The following DLGAP1 variants were observed in gnomAD, a reference collection of about 807,000 sequenced individuals.
DLGAP1 encodes the protein disks large-associated protein 1.
DLGAP1 carries 11 observed loss-of-function variants against 90.8 expected under a neutral mutation model. The ratio of observed to expected loss-of-function variants is 0.12; its 90% confidence interval spans 0.08 to 0.20. The LOEUF is 0.20. DLGAP1 is among the 10% of genes least tolerant of loss of function. The pLI is 1.00. For missense variants in DLGAP1, 1,050 were observed against 1,333.8 expected (o/e 0.79, Z 3.31); for synonymous variants, 558 against 540.7 (o/e 1.03, Z -0.44).
At chr18:3,686,568 A>AT (rs371703657) in intron 7 of DLGAP1, among the ~76,000 whole-genome samples, 1 of 152,046 alleles carries the variant, frequency 6.6e-6, no homozygotes, top group African/African-American at 2.4e-5. Flanking sequence ...CTTTCCTGAG[A>AT]TTTTTTCTTT....
At chr18:4,152,122 T>C (rs1211185100) in intron 1 of DLGAP1, among the ~76,000 whole-genome samples, 2 of 152,146 alleles carry the variant, frequency 1.3e-5, no homozygotes, top group African/African-American at 4.8e-5. Context: ...AAAAGTGACA[T>C]AGAAAAGGAC....
chr18:4,431,646 T>A (rs1388633421), intron 1 of DLGAP1, among the ~76,000 whole-genome samples: 2 of 152,182 alleles, frequency 1.3e-5, no homozygotes, highest in Admixed American at 6.5e-5. Flanking sequence ...TATTGCTTAT[T>A]TTTCGGAATA....
chr18:3,793,392 A>G (rs1286429878), intron 5 of DLGAP1, among the ~76,000 whole-genome samples: 1 of 152,166 alleles, frequency 6.6e-6, no homozygotes, highest in Non-Finnish European at 1.5e-5. Context: ...TCTTCTCGAT[A>G]GAGCAGCCAG....
chr18:3,702,127 A>G (rs1282953812), intron 7 of DLGAP1, among the ~76,000 whole-genome samples: 2 of 152,098 alleles, frequency 1.3e-5, no homozygotes, highest in Admixed American at 6.6e-5. Flanking sequence ...TCTCGGCTCA[A>G]TGCAACCTTT....
rs78763442 is a variant in DLGAP1, at chr18:4,104,443, T to C, written c.-159+46737A>G. On this transcript the variant is annotated intron_variant, in intron 2 of 12. Coordinates refer to ENST00000315677, the MANE Select transcript of DLGAP1 (RefSeq NM_004746.4). ...TCTGTAATTATGTCCCTTTTCTCAC[T>C]GCTAACATCACTTATTTGTAGCATT... 2.9e-3 allele frequency among the ~76,000 whole-genome samples: 438 copies of C among 152,314 alleles called. 1 individual carries two copies. The highest frequency in any genetic ancestry group is 9.9e-3 in the African/African-American group (411 of 41,580).
chr18:3,682,887 T>C (rs1051453414), intron 7 of DLGAP1, among the ~76,000 whole-genome samples: 12 of 151,778 alleles, frequency 7.9e-5, no homozygotes, highest in African/African-American at 2.9e-4. Flanking sequence ...AGATGGAGTC[T>C]TGTTCTGTTG....
intron 2 of DLGAP1, among the ~76,000 whole-genome samples, chr18:4,134,385 T>C (rs1267416127): frequency 2.0e-5 from 3 of 152,128 alleles, no homozygotes; most frequent in South Asian, 4.1e-4. Context: ...TATTGGACTT[T>C]AGGTCTCCAG....
At chr18:3,969,338 G>A (rs1480076173) in intron 3 of DLGAP1, among the ~76,000 whole-genome samples, 1 of 152,166 alleles carries the variant, frequency 6.6e-6, no homozygotes, top group Non-Finnish European at 1.5e-5. Context: ...TGAAGACTAA[G>A]TGGCAGAGAA....
At chr18:3,615,707 C>T (rs2057833848) in intron 7 of DLGAP1, among the ~76,000 whole-genome samples, 1 of 152,138 alleles carries the variant, frequency 6.6e-6, no homozygotes, top group African/African-American at 2.4e-5. Flanking sequence ...TCTCTGTAGG[C>T]AACTGGAGAC....
At chr18:3,699,125 C>T (rs1567979998) in intron 7 of DLGAP1, among the ~76,000 whole-genome samples, 3 of 152,116 alleles carry the variant, frequency 2.0e-5, no homozygotes, top group Admixed American at 1.3e-4. Context: ...TATTACCCAA[C>T]TTCTGAAGCC....
chr18:3,978,401 TTTCCATTGA>T (rs1312792107), intron 3 of DLGAP1: 11 of 318,540 alleles, frequency 3.5e-5, no homozygotes, highest in African/African-American at 1.8e-4. Flanking sequence ...AGTGATGCAG[TTTCCATTGA>T]TGACAAGCTT....
intron 3 of DLGAP1, among the ~76,000 whole-genome samples, chr18:3,926,417 T>C (rs963091176): frequency 0.023 from 2,780 of 121,542 alleles, 72 homozygotes; most frequent in African/African-American, 0.067. Context: ...TATATATATA[T>C]ATATACACAC....
At chr18:3,844,277 G>A (rs994473918) in intron 4 of DLGAP1, among the ~76,000 whole-genome samples, 1 of 152,170 alleles carries the variant, frequency 6.6e-6, no homozygotes, top group Non-Finnish European at 1.5e-5. Context: ...AGGTGACATG[G>A]CAGCAAGCCC....
At chr18:3,803,017 A>T (rs1324216631) in intron 5 of DLGAP1, among the ~76,000 whole-genome samples, 2 of 152,174 alleles carry the variant, frequency 1.3e-5, no homozygotes, top group Non-Finnish European at 1.5e-5. Flanking sequence ...CCATTGGTAA[A>T]GTGGTAAATG....
At chr18:3,621,125 G>C (rs1215625997) in intron 7 of DLGAP1, among the ~76,000 whole-genome samples, 1 of 152,158 alleles carries the variant, frequency 6.6e-6, no homozygotes, top group Non-Finnish European at 1.5e-5. Context: ...ACCTGGGGCT[G>C]AGTTCAGTGG....
chr18:3,817,889 A>C (rs2067185732), intron 4 of DLGAP1, among the ~76,000 whole-genome samples: 1 of 152,186 alleles, frequency 6.6e-6, no homozygotes, highest in Admixed American at 6.5e-5. Context: ...TGTCTCTGAA[A>C]AGCCTGCGTT....
intron 1 of DLGAP1, among the ~76,000 whole-genome samples, chr18:4,297,291 C>T (rs1371725750): frequency 6.6e-6 from 1 of 151,958 alleles, no homozygotes; most frequent in Non-Finnish European, 1.5e-5. Flanking sequence ...CCTCTCTTCC[C>T]ACCACACCGA....
intron 1 of DLGAP1, among the ~76,000 whole-genome samples, chr18:4,213,633 T>C (rs369194996): frequency 1.3e-5 from 2 of 152,168 alleles, no homozygotes; most frequent in African/African-American, 2.4e-5. Flanking sequence ...ATGGTACCCA[T>C]TGAAGATCAG....
chr18:4,295,280 T>C (rs1476961273), intron 1 of DLGAP1: 2 of 152,186 alleles, frequency 1.3e-5, no homozygotes, highest in Non-Finnish European at 2.9e-5. Context: ...GGTCCATATT[T>C]GCCTGCATTC....
Sources: gnomAD v4.1 joint callset for allele counts (sites outside exome capture counted in the v4.1 genomes callset) on GRCh38, gnomAD v4.1.1 for gene constraint, MANE v1.5 for transcripts, NCBI Gene and HGNC (gene_info 2026-07-23, HGNC 2026-07-21) for gene names.